PAX7: variants seen among roughly 807,000 people sequenced by gnomAD.
PAX7 encodes the protein paired box 7.
Under a neutral mutation model 50.7 loss-of-function variants are expected in PAX7, and 18 were observed. The ratio of observed to expected loss-of-function variants is 0.36; its 90% CI spans 0.25 to 0.53. PAX7 has a LOEUF of 0.53. Among genes scored for constraint, PAX7 ranks in the 20% least tolerant of loss-of-function variants. The probability of loss-of-function intolerance (pLI) is 0.93; values close to 1 mark genes in which losing one functional copy is unlikely to be tolerated. For synonymous variants in PAX7, 310 were observed against 290.4 expected, an observed-to-expected ratio of 1.07 and a Z score of -0.69; for missense variants, 644 against 702.9, an observed-to-expected ratio of 0.92 and a Z score of 0.95.
chr1:18,689,263 T>G (rs1265471789), intron 4 of PAX7, among the ~76,000 whole-genome samples: 1 of 152,234 alleles, frequency 6.6e-6, no homozygotes, highest in African/African-American at 2.4e-5. Flanking sequence ...ACTGAGGTTA[T>G]GCACTGCATT....
In PAX7 at chr1:18,651,759, G is replaced by A. The variant is rs956248412; in HGVS notation, c.586+15388G>A. Among the ~76,000 whole-genome samples, 83 of 151,544 alleles carry A rather than the reference G, an allele frequency of 5.5e-4. 1 individual carries two copies. Among genetic ancestry groups the A allele is most frequent in the Middle Eastern group, 6.8e-3 (2 of 294 alleles). ...CAGGTGTTTGTCCTCTCAAAGTTCC[G>A]TCCCTCCCCAACACCCTCCCTCCAG... On this transcript the variant is annotated intron_variant, in intron 4 of 8. Coordinates refer to ENST00000420770, the MANE Select transcript of PAX7 (RefSeq NM_001135254.2).
At chr1:18,673,110 G>T (rs527879904) in intron 4 of PAX7, among the ~76,000 whole-genome samples, 39 of 152,252 alleles carry the variant, frequency 2.6e-4, no homozygotes, top group African/African-American at 9.4e-4. Context: ...TCCGACTCCC[G>T]ATGGGCCTGG....
At position 18,689,402 on chromosome 1, in the gene PAX7, A is replaced by AAGCCCTGGCAGGAAAGGCCAGGGCAG. The variant is rs376592071; in HGVS notation, c.587-2336_587-2311dup. Among the ~76,000 whole-genome samples the AAGCCCTGGCAGGAAAGGCCAGGGCAG allele has an allele frequency of 2.8e-4, 42 of 152,180 alleles. No homozygotes were observed. In the East Asian group the frequency reaches 6.4e-3, roughly 23 times the overall value. ...AGTGACTGGGGGGCTGGGTAACTGG[A>AAGCCCTGGCAGGAAAGGCCAGGGCAG]AGCCCTGGCAGGAAAGGCCAGGGCA... On this transcript the variant is annotated intron_variant, in intron 4 of 8. Coordinates refer to ENST00000420770, the MANE Select transcript of PAX7 (RefSeq NM_001135254.2).
intron 5 of PAX7, among the ~76,000 whole-genome samples, chr1:18,694,620 G>A: frequency 6.6e-6 from 1 of 152,300 alleles, no homozygotes; most frequent in Admixed American, 6.5e-5. Context: ...CAAGAGAGGA[G>A]CATCTAAAGT....
At chr1:18,703,824 A>G (rs956029636) in intron 7 of PAX7, among the ~76,000 whole-genome samples, 8 of 152,180 alleles carry the variant, frequency 5.3e-5, no homozygotes, top group Non-Finnish European at 1.2e-4. Context: ...GCCCCCTGCC[A>G]CATGTCTGTG....
chr1:18,708,827 TC>T (rs1345909465), intron 7 of PAX7, among the ~76,000 whole-genome samples: 1 of 152,000 alleles, frequency 6.6e-6, no homozygotes, highest in African/African-American at 2.4e-5. Context: ...AAAACCCTCA[TC>T]CTTAGATGCC....
chr1:18,712,386 G>A (rs1389447792), intron 7 of PAX7, among the ~76,000 whole-genome samples: 2 of 152,352 alleles, frequency 1.3e-5, no homozygotes, highest in East Asian at 1.9e-4. Flanking sequence ...GCCCACAAGG[G>A]AGCGGCCTGG....
intron 7 of PAX7, among the ~76,000 whole-genome samples, chr1:18,704,210 G>A (rs1317703679): frequency 6.6e-6 from 1 of 152,208 alleles, no homozygotes; most frequent in Non-Finnish European, 1.5e-5. Context: ...TACATCCTGC[G>A]GGCCACATCT....
chr1:18,648,940 G>A (rs1204967741), intron 4 of PAX7, among the ~76,000 whole-genome samples: 1 of 152,170 alleles, frequency 6.6e-6, no homozygotes, highest in Non-Finnish European at 1.5e-5. Context: ...GACTGCCCCA[G>A]CTGGAGGTGG....
intron 4 of PAX7, among the ~76,000 whole-genome samples, chr1:18,680,522 A>G (rs1199690743): frequency 6.6e-6 from 1 of 152,160 alleles, no homozygotes; most frequent in Non-Finnish European, 1.5e-5. Context: ...ACCATTTAGA[A>G]ATAACAAGAA....
intron 4 of PAX7, among the ~76,000 whole-genome samples, chr1:18,663,612 C>T (rs922943899): frequency 2.6e-5 from 4 of 152,204 alleles, no homozygotes; most frequent in African/African-American, 4.8e-5. Flanking sequence ...AAACTCCTGG[C>T]TTCAAGTGAT....
intron 4 of PAX7, among the ~76,000 whole-genome samples, chr1:18,651,547 T>C (rs963015493): frequency 1.3e-5 from 2 of 152,346 alleles, no homozygotes; most frequent in African/African-American, 4.8e-5. Flanking sequence ...TCTGTTCAGA[T>C]GCAGATATAT....
intron 7 of PAX7, among the ~76,000 whole-genome samples, chr1:18,704,558 T>TCAA (rs2089260603): frequency 6.6e-6 from 1 of 152,148 alleles, no homozygotes; most frequent in Admixed American, 6.5e-5. Flanking sequence ...AGACAGAGGT[T>TCAA]GCAGTGAGCC....
At position 18,746,654 on chromosome 1, in the gene PAX7, C is replaced by T. The variant is rs1466440027; in HGVS notation, c.*1725C>T. The T allele has an allele frequency of 1.3e-5, 3 of 230,598 alleles. No homozygotes were observed. The highest frequency in any genetic ancestry group is 2.2e-5 in the African/African-American group (1 of 45,176). The allele number at this position is 230,598 out of a possible 1,614,324, so 14.3% of individuals were successfully genotyped here. ...AGGCCACCTCTTTGCTCAATCCATGCCTCTTGCCCTCAGTCAACAAGACAT... is the reference window on the plus strand; with the variant it reads ...AGGCCACCTCTTTGCTCAATCCATGTCTCTTGCCCTCAGTCAACAAGACAT... On this transcript the variant is annotated 3_prime_UTR_variant, in exon 9 of 9. Transcript: ENST00000420770.
intron 8 of PAX7, among the ~76,000 whole-genome samples, chr1:18,742,891 T>G (rs1025338824): frequency 6.6e-6 from 1 of 152,186 alleles, no homozygotes; most frequent in African/African-American, 2.4e-5. Flanking sequence ...TTCATCCTGA[T>G]AGCAGCAGCC....
chr1:18,688,158 C>G (rs1362433559), intron 4 of PAX7, among the ~76,000 whole-genome samples: 1 of 152,146 alleles, frequency 6.6e-6, no homozygotes. Flanking sequence ...CTAAAAGCAC[C>G]TTTAAAAAAC....
chr1:18,724,918 A>G (rs2100379043), intron 7 of PAX7, among the ~76,000 whole-genome samples: 1 of 152,300 alleles, frequency 6.6e-6, no homozygotes, highest in South Asian at 2.1e-4. Context: ...AAGGCAATAC[A>G]CATCCTCATT....
chr1:18,634,330 T>C lies in PAX7; in HGVS notation c.113T>C (p.Val38Ala), dbSNP rs1193215383. 1.2e-6 allele frequency: 2 copies of C among 1,613,784 alleles called. No homozygotes were observed. The highest frequency in any genetic ancestry group is 1.1e-5 in the South Asian group (1 of 91,028). Residue 38 changes from valine to alanine, a missense_variant, in exon 2 of 9, where the codon GTC becomes GCC. Val to Ala is a moderately conservative substitution (Grantham distance 64). Transcript: ENST00000420770. This position sits in a 1 kb window ranked among gnomAD's most constrained non-coding sequence, Gnocchi z 4.0. ...EVSTPLGQGR[V>A]NQLGGVFING... ...TCCACCCCGCTTGGCCAAGGCCGGG[T>C]CAATCAGCTGGGAGGGGTCTTCATC...
In PAX7 at chr1:18,742,220, C is replaced by T. The variant is rs539444511; in HGVS notation, c.1403-2594C>T. 2.1e-4 allele frequency among the ~76,000 whole-genome samples: 28 copies of T among 131,536 alleles called. No individual in the cohort carries two copies. In the East Asian group the frequency reaches 2.8e-3, roughly 13 times the overall value. 86.3% of individuals were successfully genotyped at this position (131,536 alleles called of 152,430 possible). On this transcript the variant is annotated intron_variant, in intron 8 of 8. Transcript: ENST00000420770. ...TTGCCCAGGCTGGAGTGCAGTGGTG[C>T]GATCTTGGCTCACTGCAAGCTCCGC...
Sources: gnomAD v4.1 joint callset for allele counts (sites outside exome capture counted in the v4.1 genomes callset) on GRCh38, gnomAD v4.1.1 for gene constraint, Gnocchi (gnomAD v3.1) non-coding constraint, MANE v1.5 for transcripts, NCBI Gene and HGNC (gene_info 2026-07-23, HGNC 2026-07-21) for gene names.